Variants in DLGAP1 observed in about 807,000 individuals in gnomAD.
The protein encoded by DLGAP1 is DLG associated protein 1.
A neutral mutation model predicts 90.8 loss-of-function variants in DLGAP1; 11 were observed. The observed-to-expected ratio is 0.12, with a 90% CI of 0.08 to 0.20. DLGAP1 has a LOEUF of 0.20. Ranked by LOEUF, DLGAP1 falls within the 10% of genes least tolerant of loss-of-function variation. The probability of loss-of-function intolerance (pLI) is 1.00; values close to 1 mark genes in which losing one functional copy is unlikely to be tolerated. For synonymous variants in DLGAP1, 558 were observed against 540.7 expected (o/e 1.03, Z -0.44); for missense variants, 1,050 against 1,333.8 (o/e 0.79, Z 3.31).
At chr18:4,052,558 T>C (rs894903108) in intron 2 of DLGAP1, among the ~76,000 whole-genome samples, 2 of 152,156 alleles carry the variant, frequency 1.3e-5, no homozygotes, top group African/African-American at 4.8e-5. Flanking sequence ...CTCCTAGTCC[T>C]CCAGGCCTGT....
At chr18:3,597,016 G>A (rs753165732) in intron 7 of DLGAP1, 4 of 519,948 alleles carry the variant, frequency 7.7e-6, no homozygotes, top group South Asian at 5.6e-5. Flanking sequence ...GCAAAGGACC[G>A]TGGGAGGCAC....
chr18:4,003,053 C>T (rs1481504124), intron 3 of DLGAP1, among the ~76,000 whole-genome samples: 2 of 152,204 alleles, frequency 1.3e-5, no homozygotes, highest in Non-Finnish European at 2.9e-5. Flanking sequence ...ATCTCTCCTT[C>T]CTTTCCTCCC....
At chr18:3,860,893 T>C (rs1306431602) in intron 4 of DLGAP1, among the ~76,000 whole-genome samples, 1 of 152,218 alleles carries the variant, frequency 6.6e-6, no homozygotes, top group South Asian at 2.1e-4. Context: ...TTCAGAGATA[T>C]GATATTTCAA....
intron 1 of DLGAP1, among the ~76,000 whole-genome samples, chr18:4,239,607 A>G (rs2078488176): frequency 6.6e-6 from 1 of 152,160 alleles, no homozygotes; most frequent in Non-Finnish European, 1.5e-5. Context: ...ATTAGCCCAC[A>G]TTCATGTGAT....
intron 1 of DLGAP1, among the ~76,000 whole-genome samples, chr18:4,307,744 C>CT (rs1406428229): frequency 3.8e-5 from 4 of 105,926 alleles, no homozygotes; most frequent in African/African-American, 1.4e-4. Context: ...GAGGCAGAGT[C>CT]TTTTTCTGTC....
Position 4,107,114 on chromosome 18 carries a change from C to T in DLGAP1, c.-159+44066G>A, listed in dbSNP as rs372834843. ...AATGCAAGTATTTGTTTTAAAACTG[C>T]CTAGCTAAAACACAGCGCCGCTGGA... On this transcript the variant is annotated intron_variant, in intron 2 of 12. Transcript: ENST00000315677. Among the ~76,000 whole-genome samples, 28 of 152,328 alleles carry T rather than the reference C, an allele frequency of 1.8e-4. No individual in the cohort carries two copies. In the East Asian group the frequency reaches 2.7e-3, roughly 15 times the overall value.
intron 1 of DLGAP1, among the ~76,000 whole-genome samples, chr18:4,373,144 A>G (rs2081951196): frequency 6.6e-6 from 1 of 151,982 alleles, no homozygotes; most frequent in South Asian, 2.1e-4. Context: ...CATCAAGAGA[A>G]AGGCACATTT....
chr18:3,578,252 A>T (rs916744856), intron 8 of DLGAP1, among the ~76,000 whole-genome samples: 1 of 152,204 alleles, frequency 6.6e-6, no homozygotes, highest in African/African-American at 2.4e-5. Flanking sequence ...TGGCCCTAAG[A>T]GAGAAAGCAT....
intron 4 of DLGAP1, among the ~76,000 whole-genome samples, chr18:3,847,163 G>C (rs1163237975): frequency 2.0e-5 from 3 of 152,042 alleles, no homozygotes; most frequent in Admixed American, 1.3e-4. Context: ...TATCAGGATA[G>C]CATTGGCCTA....
chr18:4,150,829 G>T (rs183446325), intron 2 of DLGAP1, among the ~76,000 whole-genome samples: 31 of 152,324 alleles, frequency 2.0e-4, no homozygotes, highest in Admixed American at 9.2e-4. Flanking sequence ...CTAACACTAT[G>T]CCATTTACTT....
chr18:4,075,488 AC>A (rs2075509704), intron 2 of DLGAP1, among the ~76,000 whole-genome samples: 1 of 152,188 alleles, frequency 6.6e-6, no homozygotes, highest in Non-Finnish European at 1.5e-5. Flanking sequence ...ATTTGAAAGC[AC>A]CCATATTTCC....
At chr18:3,741,252 CCACCACAAT>C (rs2063004765) in intron 6 of DLGAP1, among the ~76,000 whole-genome samples, 1 of 121,598 alleles carries the variant, frequency 8.2e-6, no homozygotes, top group Non-Finnish European at 1.7e-5. Context: ...ATCACCATCA[CCACCACAAT>C]CACCACCACC....
At chr18:3,599,853 G>C (rs1356058939) in intron 7 of DLGAP1, among the ~76,000 whole-genome samples, 1 of 151,920 alleles carries the variant, frequency 6.6e-6, no homozygotes, top group East Asian at 1.9e-4. Context: ...TCTTGACCTT[G>C]TGATCCGCCC....
chr18:3,837,251 T>C (rs887183532), intron 4 of DLGAP1, among the ~76,000 whole-genome samples: 3 of 152,198 alleles, frequency 2.0e-5, no homozygotes, highest in South Asian at 2.1e-4. Flanking sequence ...ACCTCCATTA[T>C]GATGAATTAG....
In DLGAP1 at chr18:3,595,848, A is replaced by C. The variant is rs1009231730; in HGVS notation, c.1592-13600T>G. On this transcript the variant is annotated intron_variant, in intron 7 of 12. Coordinates refer to ENST00000315677, the MANE Select transcript of DLGAP1 (RefSeq NM_004746.4). ...TCCATTTGTTCCATTACTTTATATG[A>C]AGTGATTTCTACTGCTGAGTCAGAC... is the stretch of plus-strand genomic sequence containing the variant. Among the ~76,000 whole-genome samples the C allele has an allele frequency of 1.3e-5, 2 of 152,186 alleles. 1 individual carries two copies. The highest frequency in any genetic ancestry group is 1.3e-4 in the Admixed American group (2 of 15,274).
At chr18:4,285,968 C>G (rs1257896829) in intron 1 of DLGAP1, among the ~76,000 whole-genome samples, 4 of 152,122 alleles carry the variant, frequency 2.6e-5, no homozygotes, top group African/African-American at 9.7e-5. Flanking sequence ...TTTAAAGTAG[C>G]CTGGTCCCGG....
intron 7 of DLGAP1, among the ~76,000 whole-genome samples, chr18:3,694,036 C>A (rs958225170): frequency 7.1e-6 from 1 of 140,886 alleles, no homozygotes; most frequent in African/African-American, 2.8e-5. Context: ...CCCTAGCCAC[C>A]CCCCCCTCAG....
At chr18:3,976,068 C>T (rs1006896580) in intron 3 of DLGAP1, among the ~76,000 whole-genome samples, 3 of 151,916 alleles carry the variant, frequency 2.0e-5, no homozygotes, top group African/African-American at 7.3e-5. Context: ...TGGTTAAGGC[C>T]GAGGGCAGTG....
At chr18:3,667,674 C>CT (rs1333547158) in intron 7 of DLGAP1, among the ~76,000 whole-genome samples, 2 of 152,166 alleles carry the variant, frequency 1.3e-5, no homozygotes, top group African/African-American at 4.8e-5. Context: ...AAGTACATCT[C>CT]TGACACTTCC....
Sources: gnomAD v4.1 joint callset for allele counts (sites outside exome capture counted in the v4.1 genomes callset) on GRCh38, gnomAD v4.1.1 for gene constraint, MANE v1.5 for transcripts, NCBI Gene and HGNC (gene_info 2026-07-23, HGNC 2026-07-21) for gene names.